Variants in KCNT2 observed in about 807,000 individuals in gnomAD.
The protein encoded by KCNT2 is potassium channel subfamily T member 2.
In KCNT2, 67 loss-of-function variants were observed where a neutral mutation model predicts 153.8. The observed-to-expected ratio is 0.44, with a 90% CI of 0.36 to 0.53. The LOEUF is 0.53. Ranked by LOEUF, KCNT2 falls within the 20% of genes least tolerant of loss-of-function variation. The probability of loss-of-function intolerance (pLI) is 0.00; values close to 1 mark genes in which losing one functional copy is unlikely to be tolerated. For synonymous variants in KCNT2, 500 were observed against 458.8 expected (o/e 1.09, Z -1.15); for missense variants, 975 against 1,354.8 (o/e 0.72, Z 4.40).
chr1:196,577,462 A>C (rs1661500685), intron 1 of KCNT2, among the ~76,000 whole-genome samples: 1 of 152,220 alleles, frequency 6.6e-6, no homozygotes, highest in Non-Finnish European at 1.5e-5. Context: ...AACAGCAAGC[A>C]TTCACACAAC....
At chr1:196,487,709 G>C (rs974102514) in intron 3 of KCNT2, among the ~76,000 whole-genome samples, 1 of 151,794 alleles carries the variant, frequency 6.6e-6, no homozygotes, top group Non-Finnish European at 1.5e-5. Context: ...TCCTTTAATA[G>C]TTGTTACCCT....
At chr1:196,421,324 A>G (rs1303017942) in intron 12 of KCNT2, among the ~76,000 whole-genome samples, 1 of 152,034 alleles carries the variant, frequency 6.6e-6, no homozygotes, top group Non-Finnish European at 1.5e-5. Flanking sequence ...GGTATTATGT[A>G]TTTATTTCCT....
chr1:196,419,944 G>T (rs1249512167), intron 12 of KCNT2, among the ~76,000 whole-genome samples: 1 of 151,778 alleles, frequency 6.6e-6, no homozygotes, highest in East Asian at 1.9e-4. Context: ...TGGAAAATTT[G>T]GGCGTATTAT....
At chr1:196,593,642 A>T (rs1223957513) in intron 1 of KCNT2, among the ~76,000 whole-genome samples, 1 of 151,982 alleles carries the variant, frequency 6.6e-6, no homozygotes, top group Non-Finnish European at 1.5e-5. Flanking sequence ...GCCTGTATCC[A>T]AACATCTCAT....
rs551118738 is a variant in KCNT2, at chr1:196,537,151, A to T, written c.96-44810T>A. On this transcript the variant is annotated intron_variant, in intron 1 of 27. Transcript: ENST00000294725. ...ACTTGGCTGCTAGAAAGGTTGTCTC[A>T]GCCTCATCATCTTAATTCTAGGCAA... 2.0e-5 allele frequency among the ~76,000 whole-genome samples: 3 copies of T among 152,298 alleles called. No homozygotes were observed. In the East Asian group the frequency reaches 5.8e-4, roughly 29 times the overall value.
chr1:196,367,718 C>T (rs542059993), intron 14 of KCNT2, among the ~76,000 whole-genome samples: 12 of 152,184 alleles, frequency 7.9e-5, no homozygotes, highest in Admixed American at 2.0e-4. Context: ...GTTTTATAAA[C>T]CACTCTTCCC....
At chr1:196,509,427 A>C (rs1396404951) in intron 1 of KCNT2, among the ~76,000 whole-genome samples, 1 of 152,218 alleles carries the variant, frequency 6.6e-6, no homozygotes, top group African/African-American at 2.4e-5. Context: ...ATATGCAATA[A>C]TATGAATAAA....
chr1:196,269,660 C>T (rs1657883408), intron 25 of KCNT2, among the ~76,000 whole-genome samples: 1 of 151,886 alleles, frequency 6.6e-6, no homozygotes, highest in African/African-American at 2.4e-5. Context: ...GCCTTTTTTT[C>T]CCCTGTAATC....
rs112448954 is a variant in KCNT2 at position 196,373,829 on chromosome 1, T to C, written c.1295-581A>G. Among the ~76,000 whole-genome samples, 576 of 151,962 alleles carry C rather than the reference T, an allele frequency of 3.8e-3. 2 individuals are homozygous for C. The highest frequency in any genetic ancestry group is 0.013 in the African/African-American group (544 of 41,534). Reference sequence around the variant, plus strand: ...TTGCTAAAATAAATTGAAATTAAAATTGTACTTTAACTCCAAATTCCTAAA... The same window carrying C: ...TTGCTAAAATAAATTGAAATTAAAACTGTACTTTAACTCCAAATTCCTAAA... On this transcript the variant is annotated intron_variant, in intron 13 of 27. Transcript: ENST00000294725.
chr1:196,302,336 T>G (rs899220997), intron 22 of KCNT2, among the ~76,000 whole-genome samples: 5 of 152,098 alleles, frequency 3.3e-5, no homozygotes, highest in Non-Finnish European at 7.4e-5. Flanking sequence ...AAAAAAAACC[T>G]TGATTGGAAG....
chr1:196,298,515 G>A (rs1202603178), intron 22 of KCNT2, among the ~76,000 whole-genome samples: 3 of 152,098 alleles, frequency 2.0e-5, no homozygotes, highest in African/African-American at 7.2e-5. Context: ...AGGAACTTCC[G>A]TGACTGTGAT....
intron 1 of KCNT2, among the ~76,000 whole-genome samples, chr1:196,544,338 G>T (rs1362428380): frequency 6.6e-6 from 1 of 151,712 alleles, no homozygotes; most frequent in Admixed American, 6.6e-5. Flanking sequence ...TATGTTTTGA[G>T]GCATATATTG....
At chr1:196,244,581 G>T (rs1655258145) in intron 26 of KCNT2, among the ~76,000 whole-genome samples, 1 of 152,162 alleles carries the variant, frequency 6.6e-6, no homozygotes. Flanking sequence ...CATTGGCCTG[G>T]AGTGGTGGTG....
At chr1:196,458,484 A>C (rs1676872618) in intron 8 of KCNT2, among the ~76,000 whole-genome samples, 2 of 151,956 alleles carry the variant, frequency 1.3e-5, no homozygotes, top group Non-Finnish European at 1.5e-5. Context: ...AAATTTAATT[A>C]GGAAGTTGAA....
At chr1:196,462,690 T>C (rs1229989619) in intron 8 of KCNT2, among the ~76,000 whole-genome samples, 3 of 151,742 alleles carry the variant, frequency 2.0e-5, no homozygotes, top group Non-Finnish European at 3.0e-5. Flanking sequence ...CACTTCAAAA[T>C]AACCTTATAG....
chr1:196,451,936 C>A (rs539876636), intron 8 of KCNT2, among the ~76,000 whole-genome samples: 1 of 152,016 alleles, frequency 6.6e-6, no homozygotes, highest in South Asian at 2.1e-4. Context: ...CTTTCCTTCT[C>A]CCCTCTCCTA....
intron 21 of KCNT2, among the ~76,000 whole-genome samples, chr1:196,307,609 A>T (rs891319967): frequency 6.6e-6 from 1 of 152,066 alleles, no homozygotes; most frequent in African/African-American, 2.4e-5. Flanking sequence ...ACAATTTCTC[A>T]ATTCATGTTT....
At chr1:196,308,351 T>C (rs1661837060) in intron 21 of KCNT2, among the ~76,000 whole-genome samples, 1 of 151,968 alleles carries the variant, frequency 6.6e-6, no homozygotes. Context: ...CTCTATCTTT[T>C]CAGTGTCTTT....
intron 13 of KCNT2, among the ~76,000 whole-genome samples, chr1:196,396,163 A>T (rs1670920485): frequency 6.6e-6 from 1 of 151,614 alleles, no homozygotes; most frequent in Admixed American, 6.6e-5. Flanking sequence ...TCACTTTCCA[A>T]GTGATTTTTC....
Sources: allele counts gnomAD v4.1 joint callset (sites outside exome capture counted in the v4.1 genomes callset), GRCh38; gene constraint gnomAD v4.1.1; transcripts MANE v1.5; gene names NCBI Gene and HGNC (gene_info 2026-07-23, HGNC 2026-07-21).